DOK6: variants seen among roughly 807,000 people sequenced by gnomAD.
DOK6 encodes downstream of tyrosine kinase 6.
DOK6 carries 22 observed loss-of-function variants against 44.0 expected under a neutral mutation model. The ratio of observed to expected loss-of-function variants is 0.50; its 90% CI spans 0.36 to 0.71. DOK6 has a LOEUF of 0.71. Among genes scored for constraint, DOK6 ranks in the 30% least tolerant of loss-of-function variants. DOK6 has a pLI of 0.00. For synonymous variants in DOK6, 166 were observed against 145.5 expected, an observed-to-expected ratio of 1.14 and a Z score of -1.01; for missense variants, 340 against 416.4, an observed-to-expected ratio of 0.82 and a Z score of 1.60.
chr18:69,638,290 C>G (rs950899756), intron 3 of DOK6, among the ~76,000 whole-genome samples: 4 of 152,160 alleles, frequency 2.6e-5, no homozygotes, highest in Admixed American at 2.6e-4. Flanking sequence ...TTTGCCAACC[C>G]TTCCTGTAGA....
intron 1 of DOK6, among the ~76,000 whole-genome samples, chr18:69,521,596 A>C (rs1981689307): frequency 6.6e-6 from 1 of 152,106 alleles, no homozygotes; most frequent in South Asian, 2.1e-4. Flanking sequence ...TGAGTGGGGA[A>C]TATCGATTTG....
At chr18:69,807,397 A>G (rs1312835497) in intron 7 of DOK6, among the ~76,000 whole-genome samples, 1 of 152,002 alleles carries the variant, frequency 6.6e-6, no homozygotes, top group Admixed American at 6.6e-5. Context: ...GATCTACAAA[A>G]CAACCAAAAA....
intron 5 of DOK6, among the ~76,000 whole-genome samples, chr18:69,729,296 T>G (rs532608300): frequency 2.6e-5 from 4 of 152,316 alleles, no homozygotes; most frequent in African/African-American, 9.6e-5. Flanking sequence ...TTATTTCATT[T>G]TTTTCTTTAT....
At chr18:69,464,663 G>C (rs989358408) in intron 1 of DOK6, among the ~76,000 whole-genome samples, 2 of 152,170 alleles carry the variant, frequency 1.3e-5, no homozygotes, top group African/African-American at 4.8e-5. Flanking sequence ...AAACACTGCG[G>C]ATATTTCTTA....
At chr18:69,649,324 T>C (rs1054343452) in intron 3 of DOK6, among the ~76,000 whole-genome samples, 1 of 152,244 alleles carries the variant, frequency 6.6e-6, no homozygotes, top group Non-Finnish European at 1.5e-5. Context: ...AAATAATTTA[T>C]GTCCATGTAA....
intron 1 of DOK6, among the ~76,000 whole-genome samples, chr18:69,456,284 T>C (rs1370609956): frequency 6.6e-6 from 1 of 152,066 alleles, no homozygotes; most frequent in Admixed American, 6.6e-5. Flanking sequence ...TAGTACCCAA[T>C]AGGTAATTTT....
intron 1 of DOK6, among the ~76,000 whole-genome samples, chr18:69,524,236 G>C (rs1211107593): frequency 6.6e-6 from 1 of 151,908 alleles, no homozygotes; most frequent in African/African-American, 2.4e-5. Context: ...GTTACATGGT[G>C]AATTAATCAT....
At chr18:69,436,663 G>A (rs1035011988) in intron 1 of DOK6, among the ~76,000 whole-genome samples, 2 of 152,050 alleles carry the variant, frequency 1.3e-5, no homozygotes, top group East Asian at 1.9e-4. Context: ...ATAATCCCTC[G>A]GGTATATACC....
At chr18:69,544,375 C>T (rs910306203) in intron 1 of DOK6, among the ~76,000 whole-genome samples, 2 of 151,328 alleles carry the variant, frequency 1.3e-5, no homozygotes, top group African/African-American at 4.8e-5. Flanking sequence ...AAACTGTACA[C>T]AAGGAATAAA....
At chr18:69,616,424 AGC>A in intron 3 of DOK6, among the ~76,000 whole-genome samples, 1 of 28,756 alleles carries the variant, frequency 3.5e-5, no homozygotes, top group African/African-American at 1.1e-4. Context: ...AAGTCAACCA[AGC>A]AGATTTTTCC....
chr18:69,676,033 A>G (rs1201422021), intron 3 of DOK6, among the ~76,000 whole-genome samples: 2 of 152,166 alleles, frequency 1.3e-5, no homozygotes, highest in Admixed American at 6.5e-5. Flanking sequence ...TGGGTTCCTA[A>G]GGAAATGCCT....
At chr18:69,663,578 T>A (rs1420184644) in intron 3 of DOK6, among the ~76,000 whole-genome samples, 1 of 152,220 alleles carries the variant, frequency 6.6e-6, no homozygotes, top group Non-Finnish European at 1.5e-5. Context: ...ACACTGTTAA[T>A]TGGGAAAATG....
chr18:69,526,487 A>C (rs1268908306), intron 1 of DOK6, among the ~76,000 whole-genome samples: 1 of 152,182 alleles, frequency 6.6e-6, no homozygotes, highest in Non-Finnish European at 1.5e-5. Context: ...TTATTCATTC[A>C]TCAGATTATG....
chr18:69,796,154 G>A (rs986314213), intron 7 of DOK6, among the ~76,000 whole-genome samples: 2 of 152,146 alleles, frequency 1.3e-5, no homozygotes, highest in African/African-American at 4.8e-5. Context: ...GCTTCAAGGT[G>A]AGCTCAGTAA....
At chr18:69,682,332 C>CA (rs1188651690) in intron 4 of DOK6, among the ~76,000 whole-genome samples, 1 of 152,064 alleles carries the variant, frequency 6.6e-6, no homozygotes, top group African/African-American at 2.4e-5. Context: ...GTTGTGTTAC[C>CA]AGTCAACAAA....
At chr18:69,784,798 G>A (rs1980382011) in intron 7 of DOK6, among the ~76,000 whole-genome samples, 2 of 152,116 alleles carry the variant, frequency 1.3e-5, no homozygotes, top group African/African-American at 4.8e-5. Context: ...GTTAATGAGA[G>A]ATTCATCAGA....
intron 3 of DOK6, among the ~76,000 whole-genome samples, chr18:69,601,996 T>G (rs933136396): frequency 6.6e-6 from 1 of 152,238 alleles, no homozygotes; most frequent in Non-Finnish European, 1.5e-5. Flanking sequence ...AGTCCATGCT[T>G]TAGCAATGCT....
chr18:69,555,522 T>C (rs1982665580), intron 1 of DOK6, among the ~76,000 whole-genome samples: 1 of 152,212 alleles, frequency 6.6e-6, no homozygotes, highest in East Asian at 1.9e-4. Context: ...TGTTTTGAAG[T>C]GCTCCTTTTG....
chr18:69,621,598 G>A (rs1466962491), intron 3 of DOK6, among the ~76,000 whole-genome samples: 1 of 152,106 alleles, frequency 6.6e-6, no homozygotes. Flanking sequence ...TGGGGAGTGA[G>A]GCCATGGTGG....
Sources: gnomAD v4.1 joint callset for allele counts (sites outside exome capture counted in the v4.1 genomes callset) on GRCh38, gnomAD v4.1.1 for gene constraint, MANE v1.5 for transcripts, NCBI Gene and HGNC (gene_info 2026-07-23, HGNC 2026-07-21) for gene names.